Variants in NDUFA13 observed in about 807,000 individuals in gnomAD.
NDUFA13 encodes the protein NADH:ubiquinone oxidoreductase subunit A13, also known as NADH dehydrogenase [ubiquinone] 1 alpha subcomplex subunit 13.
Under a neutral mutation model 17.0 loss-of-function variants are expected in NDUFA13, and 16 were observed. That is an observed-to-expected ratio of 0.94 (90% CI 0.64 to 1.43). The LOEUF (loss-of-function observed/expected upper bound fraction) is 1.43, where lower values mean the gene tolerates loss of function less well. NDUFA13 is among the 40% of genes most tolerant of loss of function. The pLI, the probability that NDUFA13 is intolerant of heterozygous loss-of-function variation, is 0.00. For missense variants in NDUFA13, 228 were observed against 206.7 expected (o/e 1.10, Z -0.63); for synonymous variants, 87 against 78.4 (o/e 1.11, Z -0.58).
intron 1 of NDUFA13, among the ~76,000 whole-genome samples, chr19:19,525,482 T>A (rs1406084084): frequency 6.6e-6 from 1 of 152,200 alleles, no homozygotes; most frequent in Non-Finnish European, 1.5e-5. Flanking sequence ...GAGCCTGGCC[T>A]ACCTGAGCTT....
At chr19:19,527,438 A>G in intron 3 of NDUFA13, 86 bp downstream of exon 3, 3 of 1,488,932 alleles carry the variant, frequency 2.0e-6, no homozygotes, top group East Asian at 4.5e-5. Flanking sequence ...GAAGGTGGCC[A>G]GAATGCACGT....
At chr19:19,519,675 G>T (rs1239678003) in intron 1 of NDUFA13, among the ~76,000 whole-genome samples, 2 of 152,168 alleles carry the variant, frequency 1.3e-5, no homozygotes, top group African/African-American at 4.8e-5. Context: ...TGAGGCCTGG[G>T]ATAACCTGGG....
chr19:19,516,448 C>T (rs1244021163), intron 1 of NDUFA13, 116 bp downstream of exon 1: 2 of 1,105,948 alleles, frequency 1.8e-6, no homozygotes, highest in Non-Finnish European at 2.7e-6. Flanking sequence ...AGGCGGAGCC[C>T]GGGGATCCAT....
chr19:19,519,844 G>A (rs1369763047), intron 1 of NDUFA13, among the ~76,000 whole-genome samples: 1 of 152,082 alleles, frequency 6.6e-6, no homozygotes, highest in Non-Finnish European at 1.5e-5. Flanking sequence ...CCTACCTTCT[G>A]TGCTCCTGTC....
rs1424630642 is a variant in NDUFA13 at position 19,516,234 on chromosome 19, C to T, written c.-5C>T. ...CCGGGACCGGAAGTGTGGGATACTG[C>T]GAGTATGGCGGCGTCAAAGGTGAAG... On this transcript the variant is annotated 5_prime_UTR_variant, in exon 1 of 5. Coordinates refer to ENST00000507754, the MANE Select transcript of NDUFA13 (RefSeq NM_015965.7). 1.9e-6 allele frequency: 3 copies of T among 1,614,090 alleles called. No individual in the cohort carries two copies. The highest frequency in any genetic ancestry group is 1.7e-6 in the Non-Finnish European group (2 of 1,180,024).
chr19:19,517,561 T>G (rs775001477), intron 1 of NDUFA13, among the ~76,000 whole-genome samples: 1 of 152,356 alleles, frequency 6.6e-6, no homozygotes, highest in South Asian at 2.1e-4. Context: ...TTACATGTTA[T>G]GCACATTATT....
In NDUFA13 at chr19:19,516,276, C is replaced by CG. The variant is rs751852332; in HGVS notation, c.44dup (p.Tyr16LeufsTer41). ...AAGGTGAAGCAGGACATGCCTCCGC[C>CG]GGGGGGCTATGGGCCCATCGACTAC... On this transcript the variant is annotated frameshift_variant, in exon 1 of 5. Coordinates refer to ENST00000507754, the MANE Select transcript of NDUFA13 (RefSeq NM_015965.7). LOFTEE classifies it high-confidence loss of function. 8 of 1,613,844 alleles carry CG rather than the reference C, an allele frequency of 5.0e-6. No homozygotes were observed. Among genetic ancestry groups the CG allele is most frequent in the East Asian group, 4.5e-5 (2 of 44,874 alleles).
chr19:19,524,107 C>T (rs1023147433), intron 1 of NDUFA13, among the ~76,000 whole-genome samples: 1 of 152,032 alleles, frequency 6.6e-6, no homozygotes, highest in African/African-American at 2.4e-5. Flanking sequence ...GAGAGAGGCC[C>T]GGTCTCCAAA....
intron 3 of NDUFA13, 143 bp downstream of exon 3, chr19:19,527,495 C>A: frequency 8.9e-7 from 1 of 1,128,072 alleles, no homozygotes; most frequent in Non-Finnish European, 1.3e-6. Context: ...GGCGTGGAGA[C>A]TTAGTGGAGA....
chr19:19,519,965 T>C (rs1348509008), intron 1 of NDUFA13, among the ~76,000 whole-genome samples: 12 of 147,678 alleles, frequency 8.1e-5, no homozygotes. Flanking sequence ...GGCTGCTTTT[T>C]GTTCTCTTTT....
rs189466131 is a variant in NDUFA13, at chr19:19,522,229, C to T, written c.95-3953C>T. ...CTGAGGCAGGAGAATGGCGTGAACC[C>T]GGGAGGCGGAGCTTGCAGTGAGCCG... On this transcript the variant is annotated intron_variant, in intron 1 of 4. Transcript: ENST00000507754. Among the ~76,000 whole-genome samples, 758 of 151,766 alleles carry T rather than the reference C, an allele frequency of 5.0e-3. 6 individuals are homozygous for T. The highest frequency in any genetic ancestry group is 0.041 in the South Asian group (198 of 4,794).
At chr19:19,523,192 C>T (rs1182099665) in intron 1 of NDUFA13, among the ~76,000 whole-genome samples, 1 of 152,250 alleles carries the variant, frequency 6.6e-6, no homozygotes, top group Non-Finnish European at 1.5e-5. Context: ...ATGGGGATTG[C>T]GTTTCAAATC....
chr19:19,516,557 A>G (rs187016114), intron 1 of NDUFA13, among the ~76,000 whole-genome samples: 3 of 152,154 alleles, frequency 2.0e-5, no homozygotes, highest in African/African-American at 7.2e-5. Flanking sequence ...CCCTCTAGTT[A>G]TTTACGTTTT....
chr19:19,519,654 C>T (rs1416752082), intron 1 of NDUFA13, among the ~76,000 whole-genome samples: 1 of 152,258 alleles, frequency 6.6e-6, no homozygotes, highest in Non-Finnish European at 1.5e-5. Context: ...GCCAGGATTT[C>T]TAGTTGTTGG....
intron 1 of NDUFA13, among the ~76,000 whole-genome samples, chr19:19,523,662 C>A (rs1404120941): frequency 6.6e-6 from 1 of 152,068 alleles, no homozygotes. Context: ...CATGGTGGCT[C>A]ATGCCTGTAA....
chr19:19,527,156 CT>C, intron 2 of NDUFA13, 124 bp from the exon 3 acceptor site: 1 of 973,896 alleles, frequency 1.0e-6, no homozygotes, highest in Non-Finnish European at 1.5e-6. Context: ...GCCCTGCCCC[CT>C]GCCTGCCTCC....
intron 2 of NDUFA13, 45 bp from the exon 3 acceptor site, chr19:19,527,236 G>A (rs1040745315): frequency 2.7e-6 from 4 of 1,466,248 alleles, no homozygotes; most frequent in African/African-American, 2.9e-5. Flanking sequence ...GTGCTCCCCC[G>A]ACCTAGCCTG....
intron 1 of NDUFA13, among the ~76,000 whole-genome samples, chr19:19,516,690 C>G (rs975697045): frequency 1.3e-5 from 2 of 152,258 alleles, no homozygotes; most frequent in African/African-American, 2.4e-5. Flanking sequence ...AGGCCGCAAC[C>G]CGGAACCTGG....
In NDUFA13 at chr19:19,516,290, C is replaced by T. The variant is rs2061048032; in HGVS notation, c.52C>T (p.Pro18Ser). ...CATGCCTCCGCCGGGGGGCTATGGG[C>T]CCATCGACTACAAACGGAACTTGCC... ...QDMPPPGGYG[P>S]IDYKRNLPRR... The change falls in exon 1 of 5, where the codon CCC (proline) becomes TCC (serine). Residue 18 changes from proline to serine, a missense_variant. Transcript: ENST00000507754. 6.2e-7 allele frequency: 1 copy of T among 1,613,882 alleles called. No individual in the cohort carries two copies. The highest frequency in any genetic ancestry group is 8.5e-7 in the Non-Finnish European group (1 of 1,180,038).
Sources: gnomAD v4.1 joint callset for allele counts (sites outside exome capture counted in the v4.1 genomes callset) on GRCh38, gnomAD v4.1.1 for gene constraint, MANE v1.5 for transcripts, NCBI Gene and HGNC (gene_info 2026-07-23, HGNC 2026-07-21) for gene names.